The following LARGE1 variants were observed in gnomAD, a reference collection of about 807,000 sequenced individuals.
LARGE1 encodes the protein LARGE xylosyl- and glucuronyltransferase 1.
Under a neutral mutation model 87.6 loss-of-function variants are expected in LARGE1, and 43 were observed. The ratio of observed to expected loss-of-function variants is 0.49; its 90% confidence interval spans 0.38 to 0.63. The LOEUF (loss-of-function observed/expected upper bound fraction) is 0.63. Ranked by LOEUF, LARGE1 falls within the 30% of genes least tolerant of loss-of-function variation. The probability of loss-of-function intolerance (pLI) is 0.00; values close to 1 mark genes in which losing one functional copy is unlikely to be tolerated. For missense variants in LARGE1, 802 were observed against 1,000.2 expected, an observed-to-expected ratio of 0.80 and a Z score of 2.67; for synonymous variants, 434 against 394.6, an observed-to-expected ratio of 1.10 and a Z score of -1.18.
At chr22:33,747,895 G>C (rs1050287214) in intron 2 of LARGE1, 5 of 152,148 alleles carry the variant, frequency 3.3e-5, no homozygotes, top group Non-Finnish European at 7.3e-5. Flanking sequence ...ATGTCCAAGA[G>C]GGCCAAGCAA....
At chr22:33,843,565 G>A (rs924254756) in intron 1 of LARGE1, among the ~76,000 whole-genome samples, 12 of 152,086 alleles carry the variant, frequency 7.9e-5, no homozygotes, top group Non-Finnish European at 1.3e-4. Flanking sequence ...TATTCAAACC[G>A]CACTCAAACC....
At chr22:33,314,303 G>A (rs912359008) in intron 11 of LARGE1, among the ~76,000 whole-genome samples, 3 of 152,076 alleles carry the variant, frequency 2.0e-5, no homozygotes, top group Non-Finnish European at 4.4e-5. Flanking sequence ...CCAAGAGACC[G>A]CCGGCCCCTG....
chr22:33,530,020 C>G (rs1252631964), intron 6 of LARGE1, among the ~76,000 whole-genome samples: 1 of 152,166 alleles, frequency 6.6e-6, no homozygotes, highest in African/African-American at 2.4e-5. Context: ...AATCCCCTTC[C>G]CTACTAGCAG....
At chr22:33,126,111 G>A in the LARGE1 span, among the ~76,000 whole-genome samples, 1 of 152,164 alleles carries the variant, frequency 6.6e-6, no homozygotes, top group African/African-American at 2.4e-5. Context: ...TGCTTAATGG[G>A]CACACAATAT....
At chr22:33,560,118 A>G (rs2077811819) in intron 6 of LARGE1, among the ~76,000 whole-genome samples, 1 of 152,182 alleles carries the variant, frequency 6.6e-6, no homozygotes, top group Admixed American at 6.5e-5. Flanking sequence ...CGGTTTCATG[A>G]CTTAAGAAAT....
At chr22:33,890,395 AT>A (rs1237372261) in intron 1 of LARGE1, among the ~76,000 whole-genome samples, 1 of 152,176 alleles carries the variant, frequency 6.6e-6, no homozygotes, top group Non-Finnish European at 1.5e-5. Flanking sequence ...TAAAAAAAAA[AT>A]GAGCTTTTCT....
At chr22:33,226,727 T>TTTA (rs1021383673) in intron 11 of LARGE1, among the ~76,000 whole-genome samples, 1 of 109,520 alleles carries the variant, frequency 9.1e-6, no homozygotes, top group East Asian at 2.1e-4. Flanking sequence ...ATTATTATTA[T>TTTA]TTATTATTAT....
chr22:33,646,395 T>C (rs1346436409), intron 3 of LARGE1, among the ~76,000 whole-genome samples: 1 of 151,594 alleles, frequency 6.6e-6, no homozygotes, highest in Non-Finnish European at 1.5e-5. Flanking sequence ...TGAGAAAGCA[T>C]GGACACAGGG....
intron 11 of LARGE1, among the ~76,000 whole-genome samples, chr22:33,181,314 A>G (rs1021807581): frequency 6.6e-6 from 1 of 152,180 alleles, no homozygotes; most frequent in Non-Finnish European, 1.5e-5. Flanking sequence ...TATCTACTGT[A>G]TACATGATAA....
At chr22:33,596,932 C>G (rs2078991961) in intron 5 of LARGE1, among the ~76,000 whole-genome samples, 1 of 152,202 alleles carries the variant, frequency 6.6e-6, no homozygotes, top group African/African-American at 2.4e-5. Context: ...TGGGTATTAA[C>G]ACATTATTAG....
the LARGE1 span, among the ~76,000 whole-genome samples, chr22:33,134,358 A>G: frequency 6.7e-6 from 1 of 148,328 alleles, no homozygotes; most frequent in African/African-American, 2.5e-5. Context: ...TCCCGGGTTC[A>G]CGCCATTCTC....
At chr22:33,842,909 C>CAAACA (rs138595293) in intron 1 of LARGE1, among the ~76,000 whole-genome samples, 3,727 of 146,560 alleles carry the variant, frequency 0.025, 65 homozygotes, top group Middle Eastern at 0.055. Context: ...CATTCTAGCA[C>CAAACA]AAACAAAACA....
intron 7 of LARGE1, among the ~76,000 whole-genome samples, chr22:33,389,876 AACCAACCAACCAAC>A (rs1309166838): frequency 1.4e-4 from 21 of 151,870 alleles, no homozygotes; most frequent in African/African-American, 4.6e-4. Context: ...CCAACCAACC[AACCAACCAACCAAC>A]CAAACAAAAA....
intron 9 of LARGE1, among the ~76,000 whole-genome samples, chr22:33,340,318 G>A (rs1032510950): frequency 4.0e-5 from 6 of 151,754 alleles, no homozygotes; most frequent in Non-Finnish European, 8.8e-5. Flanking sequence ...AGGGACCCAG[G>A]AGACTGATGG....
chr22:33,504,706 A>T (rs559695710), intron 6 of LARGE1, among the ~76,000 whole-genome samples: 14 of 152,318 alleles, frequency 9.2e-5, no homozygotes, highest in African/African-American at 3.4e-4. Context: ...TTGGTTCAAG[A>T]TGCGTAACAC....
chr22:33,249,200 C>A (rs1438851145), intron 11 of LARGE1, among the ~76,000 whole-genome samples: 1 of 152,182 alleles, frequency 6.6e-6, no homozygotes. Context: ...TCCTATTGCA[C>A]CTCATCCTTG....
At chr22:33,679,517 GTCATGCTGCCAC>G (rs2081683612) in intron 2 of LARGE1, among the ~76,000 whole-genome samples, 2 of 151,980 alleles carry the variant, frequency 1.3e-5, no homozygotes, top group Non-Finnish European at 2.9e-5. Context: ...AAGACTTGGA[GTCATGCTGCCAC>G]AAGCCAAAGA....
chr22:33,546,314 C>G (rs563124732), intron 6 of LARGE1, among the ~76,000 whole-genome samples: 2 of 152,330 alleles, frequency 1.3e-5, no homozygotes, highest in South Asian at 4.1e-4. Context: ...TGCCTTTGGT[C>G]CATTCTGTGC....
chr22:33,667,162 G>C (rs1170307552), intron 2 of LARGE1, among the ~76,000 whole-genome samples: 1 of 152,154 alleles, frequency 6.6e-6, no homozygotes, highest in Non-Finnish European at 1.5e-5. Context: ...CACACACCTG[G>C]GTTGTTTTGC....
Sources: allele counts gnomAD v4.1 joint callset (sites outside exome capture counted in the v4.1 genomes callset), GRCh38; gene constraint gnomAD v4.1.1; transcripts MANE v1.5; gene names NCBI Gene and HGNC (gene_info 2026-07-23, HGNC 2026-07-21).